Variants in SNTB2 observed in about 807,000 individuals in gnomAD.
The protein encoded by SNTB2 is syntrophin beta 2.
In SNTB2, 34 loss-of-function variants were observed where a neutral mutation model predicts 46.2. The ratio of observed to expected loss-of-function variants is 0.74; its 90% confidence interval spans 0.56 to 0.98. SNTB2 has a LOEUF of 0.98. SNTB2 is among the 50% of genes least tolerant of loss of function. SNTB2 has a pLI of 0.00. For missense variants in SNTB2, 603 were observed against 731.4 expected (o/e 0.82, Z 2.02); for synonymous variants, 290 against 312.6 (o/e 0.93, Z 0.76).
intron 1 of SNTB2, among the ~76,000 whole-genome samples, chr16:69,200,343 C>G (rs1383863266): frequency 6.6e-6 from 1 of 152,140 alleles, no homozygotes; most frequent in African/African-American, 2.4e-5. Flanking sequence ...CATCAGCACG[C>G]TAGTATGAAA....
At chr16:69,278,671 G>T (rs1361279303) in intron 4 of SNTB2, among the ~76,000 whole-genome samples, 1 of 152,182 alleles carries the variant, frequency 6.6e-6, no homozygotes, top group Non-Finnish European at 1.5e-5. Flanking sequence ...GGCCAGGCTG[G>T]TCTCAAACTC....
chr16:69,225,809 C>A (rs895732202), intron 1 of SNTB2, among the ~76,000 whole-genome samples: 4 of 152,160 alleles, frequency 2.6e-5, no homozygotes, highest in African/African-American at 9.7e-5. Context: ...ACTCTGTCAC[C>A]CAGGCTGGAG....
chr16:69,281,967 G>A (rs1965052957), intron 4 of SNTB2, among the ~76,000 whole-genome samples: 1 of 141,382 alleles, frequency 7.1e-6, no homozygotes, highest in Non-Finnish European at 1.5e-5. Context: ...GTGCAGTAGC[G>A]CAATCTCGGC....
intron 1 of SNTB2, among the ~76,000 whole-genome samples, chr16:69,225,620 A>G (rs950354078): frequency 2.6e-5 from 4 of 152,158 alleles, no homozygotes; most frequent in Non-Finnish European, 4.4e-5. Context: ...TATAATTTCT[A>G]CTTTATTAGT....
At chr16:69,201,360 A>G (rs1232774138) in intron 1 of SNTB2, among the ~76,000 whole-genome samples, 1 of 151,752 alleles carries the variant, frequency 6.6e-6, no homozygotes, top group East Asian at 1.9e-4. Flanking sequence ...ACTCTCTTAA[A>G]TGTAGATCTG....
At position 69,213,822 on chromosome 16, in the gene SNTB2, C is replaced by CTTT. The variant is rs35759695; in HGVS notation, c.580+26096_580+26098dup. The stretch of plus-strand genomic sequence containing the variant: ...TGATAAATACTATCATTTTAGAGTT[C>CTTT]TTTTTTTTTTTTTTTTTTTTTTGAG... On this transcript the variant is annotated intron_variant, in intron 1 of 6. Transcript: ENST00000336278. Among the ~76,000 whole-genome samples, 613 of 91,570 alleles carry CTTT rather than the reference C, an allele frequency of 6.7e-3. 17 individuals are homozygous for CTTT. The highest frequency in any genetic ancestry group is 7.3e-3 in the Non-Finnish European group (353 of 48,470). The allele number at this position is 91,570 out of a possible 152,430, so 60.1% of individuals were successfully genotyped here.
At chr16:69,187,814 C>T in intron 1 of SNTB2, 68 bp downstream of exon 1, 1 of 1,264,942 alleles carries the variant, frequency 7.9e-7, no homozygotes, top group Non-Finnish European at 1.0e-6. Context: ...TCACTTTGTT[C>T]CTGCCCCGCC....
chr16:69,225,053 TTTCTC>T (rs1462442061), intron 1 of SNTB2, among the ~76,000 whole-genome samples: 4 of 152,218 alleles, frequency 2.6e-5, no homozygotes, highest in African/African-American at 9.6e-5. Context: ...ATCTTTGTCT[TTTCTC>T]TTTCCCTGAA....
intron 1 of SNTB2, among the ~76,000 whole-genome samples, chr16:69,195,318 T>A (rs1036134262): frequency 6.6e-5 from 10 of 152,276 alleles, no homozygotes; most frequent in Non-Finnish European, 1.2e-4. Flanking sequence ...TTGCCCAGGT[T>A]GGAGTACAAT....
Position 69,307,631 on chromosome 16 carries a change from T to C in SNTB2, c.*6707T>C, listed in dbSNP as rs1371702433. ...TAAGCATTTCATCTGCTGAAAGTCCTTATATACATGGTAGACGGAATATTT... is the reference window on the plus strand; with the variant it reads ...TAAGCATTTCATCTGCTGAAAGTCCCTATATACATGGTAGACGGAATATTT... On this transcript the variant is annotated 3_prime_UTR_variant, in exon 7 of 7. Transcript: ENST00000336278. 6.6e-6 allele frequency: 1 copy of C among 152,158 alleles called. No individual in the cohort carries two copies. The highest frequency in any genetic ancestry group is 1.5e-5 in the Non-Finnish European group (1 of 68,034). 9.4% of individuals were successfully genotyped at this position (152,158 alleles called of 1,614,324 possible). A position where few individuals can be genotyped will look rare whatever the true frequency, so the allele number is the denominator to read the frequency against.
At chr16:69,216,038 A>G (rs1964344062) in intron 1 of SNTB2, among the ~76,000 whole-genome samples, 1 of 152,184 alleles carries the variant, frequency 6.6e-6, no homozygotes, top group Non-Finnish European at 1.5e-5. Flanking sequence ...CTGGTCCTGA[A>G]CTTCTGGGCT....
At chr16:69,255,763 C>G (rs948983661) in intron 2 of SNTB2, among the ~76,000 whole-genome samples, 2 of 151,456 alleles carry the variant, frequency 1.3e-5, no homozygotes, top group African/African-American at 2.4e-5. Context: ...TCCCTGTAAT[C>G]CCAGCTGGGG....
At position 69,230,088 on chromosome 16, in the gene SNTB2, G is replaced by A. The variant is rs117722350; in HGVS notation, c.581-15514G>A. 4.7e-3 allele frequency among the ~76,000 whole-genome samples: 716 copies of A among 151,942 alleles called. 1 individual carries two copies. The highest frequency in any genetic ancestry group is 6.5e-3 in the Non-Finnish European group (443 of 67,964). ...AGGCCTGAGCCACTGCATCTGGCCC[G>A]ATGGCATGTATTTAAGTTAACTTTA... On this transcript the variant is annotated intron_variant, in intron 1 of 6. Transcript: ENST00000336278.
intron 1 of SNTB2, among the ~76,000 whole-genome samples, chr16:69,189,611 C>G (rs1257024709): frequency 1.3e-5 from 2 of 152,144 alleles, no homozygotes; most frequent in Non-Finnish European, 2.9e-5. Flanking sequence ...GTGGCAGATG[C>G]CTGTAATCCC....
chr16:69,191,620 G>A (rs974335993), intron 1 of SNTB2, among the ~76,000 whole-genome samples: 2 of 146,556 alleles, frequency 1.4e-5, no homozygotes, highest in Non-Finnish European at 3.0e-5. Context: ...TCCAAGAAAG[G>A]TTTTATTTAC....
At chr16:69,211,363 G>A (rs1964285053) in intron 1 of SNTB2, among the ~76,000 whole-genome samples, 1 of 151,616 alleles carries the variant, frequency 6.6e-6, no homozygotes, top group Admixed American at 6.6e-5. Context: ...TAATTCTTTA[G>A]TTACTCTTCA....
At position 69,208,971 on chromosome 16, in the gene SNTB2, A is replaced by AGTGT. The variant is rs570119837; in HGVS notation, c.580+21242_580+21245dup. ...GATTGAGAAACTAGATGAATTTTTG[A>AGTGT]GTGTGTGTGTGTGTGTGTGTTTTTG... On this transcript the variant is annotated intron_variant, in intron 1 of 6. Coordinates refer to ENST00000336278, the MANE Select transcript of SNTB2 (RefSeq NM_006750.4). 1.3e-3 allele frequency among the ~76,000 whole-genome samples: 197 copies of AGTGT among 149,220 alleles called. 2 individuals carry two copies. Among genetic ancestry groups the AGTGT allele is most frequent in the African/African-American group, 3.9e-3 (154 of 39,862 alleles).
intron 2 of SNTB2, among the ~76,000 whole-genome samples, chr16:69,249,497 C>T (rs1009114885): frequency 3.3e-5 from 5 of 152,096 alleles, no homozygotes; most frequent in Non-Finnish European, 7.4e-5. Flanking sequence ...TGTGCTACTT[C>T]GTCATTCACT....
chr16:69,273,569 G>C (rs1349514802), intron 4 of SNTB2, among the ~76,000 whole-genome samples: 1 of 152,140 alleles, frequency 6.6e-6, no homozygotes, highest in Non-Finnish European at 1.5e-5. Flanking sequence ...TTGCCGGCGG[G>C]GGAGCTAATG....
Sources: allele counts gnomAD v4.1 joint callset (sites outside exome capture counted in the v4.1 genomes callset), GRCh38; gene constraint gnomAD v4.1.1; transcripts MANE v1.5; gene names NCBI Gene and HGNC (gene_info 2026-07-23, HGNC 2026-07-21).